The following CACNG3 variants were observed in gnomAD, a reference collection of about 807,000 sequenced individuals.
The protein encoded by CACNG3 is voltage-dependent calcium channel gamma-3 subunit.
A neutral mutation model predicts 28.5 loss-of-function variants in CACNG3; 3 were observed. The observed-to-expected ratio is 0.11, with a 90% CI of 0.05 to 0.27. The LOEUF (loss-of-function observed/expected upper bound fraction) is 0.27, where lower values mean the gene tolerates loss of function less well. Ranked by LOEUF, CACNG3 falls within the 10% of genes least tolerant of loss-of-function variation. The pLI is 1.00. For synonymous variants in CACNG3, 174 were observed against 162.2 expected, an observed-to-expected ratio of 1.07 and a Z score of -0.55; for missense variants, 236 against 414.4, an observed-to-expected ratio of 0.57 and a Z score of 3.74.
intron 1 of CACNG3, among the ~76,000 whole-genome samples, chr16:24,345,668 C>A (rs888736793): frequency 6.6e-6 from 1 of 152,174 alleles, no homozygotes; most frequent in African/African-American, 2.4e-5. Context: ...CCATTGCAAT[C>A]CAAACTGGGC....
intron 1 of CACNG3, among the ~76,000 whole-genome samples, chr16:24,258,427 C>T (rs1898497601): frequency 6.6e-6 from 1 of 152,140 alleles, no homozygotes. Context: ...TCGCTGTGGC[C>T]TTGGTTAAGA....
chr16:24,296,194 T>G (rs1346970498), intron 1 of CACNG3, among the ~76,000 whole-genome samples: 1 of 152,166 alleles, frequency 6.6e-6, no homozygotes, highest in East Asian at 1.9e-4. Flanking sequence ...TGGTCCTTCC[T>G]CCTGCCTTCT....
intron 1 of CACNG3, among the ~76,000 whole-genome samples, chr16:24,291,414 A>C (rs537551371): frequency 1.3e-5 from 2 of 152,294 alleles, no homozygotes; most frequent in Non-Finnish European, 2.9e-5. Flanking sequence ...ACAAACTTTC[A>C]AGTGCAGCGA....
chr16:24,292,190 T>C (rs1489541298), intron 1 of CACNG3, among the ~76,000 whole-genome samples: 2 of 152,138 alleles, frequency 1.3e-5, no homozygotes, highest in African/African-American at 4.8e-5. Context: ...AATATGCATG[T>C]ACTGTCCCAC....
At chr16:24,338,206 G>A (rs1899736621) in intron 1 of CACNG3, among the ~76,000 whole-genome samples, 1 of 151,868 alleles carries the variant, frequency 6.6e-6, no homozygotes. Context: ...CATATAACTG[G>A]CTCCTTCTCT....
At chr16:24,319,078 C>G (rs1446972458) in intron 1 of CACNG3, among the ~76,000 whole-genome samples, 1 of 152,182 alleles carries the variant, frequency 6.6e-6, no homozygotes, top group Non-Finnish European at 1.5e-5. Context: ...TTTCCATTTA[C>G]AGTTGGGTTA....
At chr16:24,292,519 T>G (rs1898979477) in intron 1 of CACNG3, among the ~76,000 whole-genome samples, 1 of 152,156 alleles carries the variant, frequency 6.6e-6, no homozygotes, top group Non-Finnish European at 1.5e-5. Flanking sequence ...CCTTGCATCA[T>G]CATCCCTGGA....
Position 24,256,829 on chromosome 16 carries a change from C to A in CACNG3, c.75C>A (p.Thr25=). Residue 25 remains threonine (T), a synonymous_variant, in exon 1 of 4, where the codon ACC becomes ACA. Coordinates refer to ENST00000005284, the MANE Select transcript of CACNG3 (RefSeq NM_006539.4). This position sits in a 1 kb window ranked among gnomAD's most constrained non-coding sequence, Gnocchi z 4.6. ...VGAFAAFSLM[T]IAVGTDYWLY... ...CCTTTGCCGCTTTTAGTTTAATGAC[C>A]ATTGCAGTGGGCACGGACTACTGGT... 6 of 1,613,730 alleles carry A rather than the reference C, an allele frequency of 3.7e-6. No homozygotes were observed. The highest frequency in any genetic ancestry group is 5.1e-6 in the Non-Finnish European group (6 of 1,179,626).
intron 1 of CACNG3, among the ~76,000 whole-genome samples, chr16:24,330,188 G>T (rs941863746): frequency 6.6e-6 from 1 of 152,206 alleles, no homozygotes; most frequent in African/African-American, 2.4e-5. Flanking sequence ...GTCAAACTCT[G>T]TTGGCCCATG....
At chr16:24,319,745 T>C (rs1899432269) in intron 1 of CACNG3, among the ~76,000 whole-genome samples, 1 of 152,018 alleles carries the variant, frequency 6.6e-6, no homozygotes, top group South Asian at 2.1e-4. Flanking sequence ...TGAACCACCA[T>C]GCCCAGACTT....
At chr16:24,333,240 T>G (rs999676395) in intron 1 of CACNG3, among the ~76,000 whole-genome samples, 1 of 152,198 alleles carries the variant, frequency 6.6e-6, no homozygotes, top group Non-Finnish European at 1.5e-5. Context: ...GCTTACTTTT[T>G]TTGTTTACCC....
At chr16:24,340,062 C>T (rs1208523571) in intron 1 of CACNG3, among the ~76,000 whole-genome samples, 1 of 152,108 alleles carries the variant, frequency 6.6e-6, no homozygotes, top group Non-Finnish European at 1.5e-5. Flanking sequence ...TTGAGTCCAG[C>T]AGTTCAAGAT....
intron 1 of CACNG3, among the ~76,000 whole-genome samples, chr16:24,317,643 A>ACAGAAAG (rs1491323013): frequency 3.2e-5 from 2 of 63,246 alleles, no homozygotes; most frequent in Non-Finnish European, 3.0e-5. Context: ...AGAAAGAAAG[A>ACAGAAAG]AAAGAAAAGA....
intron 1 of CACNG3, among the ~76,000 whole-genome samples, chr16:24,302,416 G>A (rs773262172): frequency 2.0e-5 from 3 of 152,036 alleles, no homozygotes; most frequent in Non-Finnish European, 4.4e-5. Flanking sequence ...AACGGAGTCA[G>A]CATCTGCCAT....
At chr16:24,276,312 T>C (rs1898753114) in intron 1 of CACNG3, among the ~76,000 whole-genome samples, 1 of 152,222 alleles carries the variant, frequency 6.6e-6, no homozygotes, top group African/African-American at 2.4e-5. Flanking sequence ...AATTTTAAAA[T>C]AACTATTTCA....
intron 1 of CACNG3, among the ~76,000 whole-genome samples, chr16:24,265,502 AAAG>A (rs972274544): frequency 4.3e-5 from 5 of 116,188 alleles, no homozygotes; most frequent in Non-Finnish European, 3.4e-5. Flanking sequence ...GAAGGAAAGA[AAAG>A]AAAGAAAGAA....
intron 1 of CACNG3, among the ~76,000 whole-genome samples, chr16:24,270,332 A>C (rs1351699721): frequency 6.6e-6 from 1 of 152,240 alleles, no homozygotes; most frequent in African/African-American, 2.4e-5. Context: ...AGAACCAATT[A>C]GCTGTTTATT....
chr16:24,324,196 C>T (rs1198346227), intron 1 of CACNG3, among the ~76,000 whole-genome samples: 1 of 152,198 alleles, frequency 6.6e-6, no homozygotes, highest in Non-Finnish European at 1.5e-5. Context: ...GTAAAGGTCC[C>T]AATGTCACAC....
chr16:24,346,179 C>T (rs764636348), intron 1 of CACNG3, among the ~76,000 whole-genome samples: 9 of 152,088 alleles, frequency 5.9e-5, no homozygotes, highest in Non-Finnish European at 1.2e-4. Flanking sequence ...AAGTGGATCC[C>T]AACATCATGC....
Sources: allele counts gnomAD v4.1 joint callset (sites outside exome capture counted in the v4.1 genomes callset), GRCh38; gene constraint gnomAD v4.1.1; non-coding constraint Gnocchi (gnomAD v3.1); transcripts MANE v1.5; gene names NCBI Gene and HGNC (gene_info 2026-07-23, HGNC 2026-07-21).